The following ANO6 variants were observed in gnomAD, a reference collection of about 807,000 sequenced individuals.
ANO6 encodes the protein anoctamin 6.
In ANO6, 106 loss-of-function variants were observed where a neutral mutation model predicts 117.5. The ratio of observed to expected loss-of-function variants is 0.90; its 90% confidence interval spans 0.77 to 1.06. The LOEUF (loss-of-function observed/expected upper bound fraction) is 1.06. Ranked by LOEUF, ANO6 falls within the 50% of genes least tolerant of loss-of-function variation. ANO6 has a pLI of 0.00. For missense variants in ANO6, 955 were observed against 1,121.1 expected, an observed-to-expected ratio of 0.85 and a Z score of 2.12; for synonymous variants, 367 against 385.1, an observed-to-expected ratio of 0.95 and a Z score of 0.55.
chr12:45,401,400 A>G (rs1406143536), intron 12 of ANO6, among the ~76,000 whole-genome samples: 1 of 152,124 alleles, frequency 6.6e-6, no homozygotes, highest in South Asian at 2.1e-4. Flanking sequence ...TTGGTTCTAC[A>G]CTCATTTTTT....
At chr12:45,304,895 A>T (rs536933326) in intron 2 of ANO6, among the ~76,000 whole-genome samples, 1 of 152,128 alleles carries the variant, frequency 6.6e-6, no homozygotes, top group African/African-American at 2.4e-5. Context: ...CAGTGAAATA[A>T]ATGCTGCTGT....
At chr12:45,413,011 G>A (rs1477225057) in intron 16 of ANO6, among the ~76,000 whole-genome samples, 1 of 152,214 alleles carries the variant, frequency 6.6e-6, no homozygotes, top group Non-Finnish European at 1.5e-5. Context: ...GGACTCACAG[G>A]TGGGAATATC....
At chr12:45,398,228 A>G (rs1407372106) in intron 12 of ANO6, among the ~76,000 whole-genome samples, 1 of 152,228 alleles carries the variant, frequency 6.6e-6, no homozygotes. Context: ...TCAGTGGCTA[A>G]AGAGACAGAA....
At chr12:45,355,797 T>C (rs756091656) in intron 7 of ANO6, among the ~76,000 whole-genome samples, 6 of 152,158 alleles carry the variant, frequency 3.9e-5, no homozygotes, top group Non-Finnish European at 8.8e-5. Context: ...AGACCTTCCC[T>C]GTGAGTGCTT....
At chr12:45,294,927 T>C (rs1939236569) in intron 1 of ANO6, among the ~76,000 whole-genome samples, 1 of 152,204 alleles carries the variant, frequency 6.6e-6, no homozygotes, top group South Asian at 2.1e-4. Context: ...AAAATTATGA[T>C]AGCCAATATT....
intron 1 of ANO6, among the ~76,000 whole-genome samples, chr12:45,294,984 C>T (rs577396968): frequency 3.9e-5 from 6 of 152,278 alleles, no homozygotes; most frequent in African/African-American, 1.4e-4. Flanking sequence ...TATATGTCAG[C>T]TTATTCTCCA....
chr12:45,431,535 G>A lies in ANO6; in HGVS notation c.*2224G>A, dbSNP rs10736025. The A allele has an allele frequency of 0.97, 955,782 of 985,118 alleles. 464,155 individuals carry two copies. Among genetic ancestry groups the A allele is most frequent in the Non-Finnish European group, 0.98 (811,899 of 829,828 alleles). 61.0% of individuals were successfully genotyped at this position (985,118 alleles called of 1,614,324 possible). ...AAATGTGCTGCTGTGGACAGGAGGGGAAAAAAAACCCTCTACATATTGAAA... is the reference window on the plus strand; with the variant it reads ...AAATGTGCTGCTGTGGACAGGAGGGAAAAAAAAACCCTCTACATATTGAAA... On this transcript the variant is annotated 3_prime_UTR_variant, in exon 20 of 20. Transcript: ENST00000320560.
intron 9 of ANO6, among the ~76,000 whole-genome samples, chr12:45,370,553 A>G (rs1052265207): frequency 1.2e-4 from 19 of 152,242 alleles, no homozygotes; most frequent in African/African-American, 4.1e-4. Flanking sequence ...TCAAATACTT[A>G]GAAGATTGCA....
Position 45,331,307 on chromosome 12 carries a change from G to GT in ANO6, c.163_164insT (p.Gly55ValfsTer4). On this transcript the variant is annotated frameshift_variant, in exon 3 of 20. Transcript: ENST00000320560. LOFTEE classifies it high-confidence loss of function. Reference sequence around the variant, plus strand: ...CTGTTTTACACAGGAAGAATTTAATGGAAAACCTGACTCCCTCTTTTTTAA... The same window carrying GT: ...CTGTTTTACACAGGAAGAATTTAATGTGAAAACCTGACTCCCTCTTTTTTAA... 1.2e-6 allele frequency: 2 copies of GT among 1,608,602 alleles called. No individual in the cohort carries two copies. Among genetic ancestry groups the GT allele is most frequent in the Non-Finnish European group, 1.7e-6 (2 of 1,177,198 alleles).
intron 2 of ANO6, among the ~76,000 whole-genome samples, chr12:45,319,102 T>C (rs1271945473): frequency 6.6e-6 from 1 of 152,206 alleles, no homozygotes; most frequent in Non-Finnish European, 1.5e-5. Context: ...TTGAATGTCC[T>C]TTATTTCTTT....
chr12:45,230,289 A>G (rs1382891384), intron 1 of ANO6, among the ~76,000 whole-genome samples: 3 of 152,070 alleles, frequency 2.0e-5, no homozygotes, highest in South Asian at 2.1e-4. Flanking sequence ...TTGAAGAGCT[A>G]TGTGATATGA....
chr12:45,372,810 G>A (rs966985281), intron 9 of ANO6, among the ~76,000 whole-genome samples: 18 of 152,164 alleles, frequency 1.2e-4, no homozygotes, highest in African/African-American at 4.3e-4. Flanking sequence ...CAACTAAAGA[G>A]CAAAATCACC....
chr12:45,216,140 G>T lies in ANO6; in HGVS notation c.-182G>T. On this transcript the variant is annotated 5_prime_UTR_variant, in exon 1 of 20. Coordinates refer to ENST00000320560, the MANE Select transcript of ANO6 (RefSeq NM_001025356.3). ...CAGGCGAGAGGCGTCCTCCGGCTCT[G>T]GGCTCCGGTCGGTGGGTGCCTCGGC... is the stretch of plus-strand genomic sequence containing the variant. 2 of 651,128 alleles carry T rather than the reference G, an allele frequency of 3.1e-6. No individual in the cohort carries two copies. The highest frequency in any genetic ancestry group is 5.3e-6 in the Non-Finnish European group (2 of 380,764). The allele number at this position is 651,128 out of a possible 1,614,324, so 40.3% of individuals were successfully genotyped here.
At chr12:45,425,533 G>C (rs190953603) in intron 19 of ANO6, among the ~76,000 whole-genome samples, 1 of 152,350 alleles carries the variant, frequency 6.6e-6, no homozygotes, top group East Asian at 1.9e-4. Flanking sequence ...GCGAGAATGG[G>C]AGTAAGCTTT....
At chr12:45,236,549 G>A (rs973913098) in intron 1 of ANO6, among the ~76,000 whole-genome samples, 5 of 152,176 alleles carry the variant, frequency 3.3e-5, no homozygotes, top group Admixed American at 6.5e-5. Context: ...CCCTGCAAAG[G>A]ACATGAGCTC....
intron 9 of ANO6, among the ~76,000 whole-genome samples, chr12:45,371,529 GCCT>G (rs1422513474): frequency 2.0e-5 from 3 of 151,486 alleles, no homozygotes; most frequent in South Asian, 2.1e-4. Flanking sequence ...CAGGCAGACT[GCCT>G]CCTCAAGTGG....
At chr12:45,241,309 A>G (rs761917051) in intron 1 of ANO6, among the ~76,000 whole-genome samples, 3 of 152,234 alleles carry the variant, frequency 2.0e-5, no homozygotes, top group South Asian at 2.1e-4. Flanking sequence ...TTGATCTTCA[A>G]TCACTGATAT....
chr12:45,378,162 A>G (rs757515330), intron 10 of ANO6, 49 bp downstream of exon 10: 1 of 1,540,698 alleles, frequency 6.5e-7, no homozygotes, highest in East Asian at 2.3e-5. Flanking sequence ...AGTATTACAC[A>G]GTTTTATGTA....
intron 1 of ANO6, among the ~76,000 whole-genome samples, chr12:45,251,210 G>A (rs1297092040): frequency 6.6e-6 from 1 of 152,214 alleles, no homozygotes; most frequent in East Asian, 1.9e-4. Context: ...TTACTAACTA[G>A]TGTCCTTGGA....
Sources: gnomAD v4.1 joint callset for allele counts (sites outside exome capture counted in the v4.1 genomes callset) on GRCh38, gnomAD v4.1.1 for gene constraint, MANE v1.5 for transcripts, NCBI Gene and HGNC (gene_info 2026-07-23, HGNC 2026-07-21) for gene names.